ZNF589: variants seen among roughly 807,000 people sequenced by gnomAD.
ZNF589 encodes zinc finger protein 589.
ZNF589 carries 17 observed loss-of-function variants against 13.6 expected under a neutral mutation model. The ratio of observed to expected loss-of-function variants is 1.25; its 90% CI spans 0.86 to 1.88. ZNF589 has a LOEUF of 1.88. ZNF589 is among the 40% of genes most tolerant of loss of function. The probability of loss-of-function intolerance (pLI) is 0.00; values close to 1 mark genes in which losing one functional copy is unlikely to be tolerated. For synonymous variants in ZNF589, 148 were observed against 161.6 expected (o/e 0.92, Z 0.64); for missense variants, 407 against 434.0 (o/e 0.94, Z 0.55).
chr3:48,266,024 A>G (rs577292755), intron 3 of ZNF589, among the ~76,000 whole-genome samples: 43 of 152,330 alleles, frequency 2.8e-4, no homozygotes, highest in South Asian at 6.2e-4. Flanking sequence ...CTTTGTGTCC[A>G]CAGTCATAAA....
Position 48,268,136 on chromosome 3 carries a change from G to A in ZNF589, c.445G>A (p.Gly149Arg), listed in dbSNP as rs772274256. The A allele has an allele frequency of 1.9e-6, 3 of 1,614,132 alleles. No homozygotes were observed. The highest frequency in any genetic ancestry group is 1.6e-4 in the Middle Eastern group (1 of 6,062). Reference protein sequence around the residue: ...GAEAEDQRVEGGVRPLFWSTN... With the variant: ...GAEAEDQRVERGVRPLFWSTN... ...TGAAGCAGAAGATCAACGAGTGGAA[G>A]GAGGCGTCAGACCCTTGTTTTGGAG... Residue 149 changes from glycine (G) to arginine (R), a missense_variant, in exon 4 of 4, where the codon GGA becomes AGA. Coordinates refer to ENST00000354698, the MANE Select transcript of ZNF589 (RefSeq NM_016089.3).
At position 48,269,490 on chromosome 3, in the gene ZNF589, A is replaced by G. The variant is rs539797256; in HGVS notation, c.*704A>G. 50 of 397,990 alleles carry G rather than the reference A, an allele frequency of 1.3e-4. No homozygotes were observed. Among genetic ancestry groups the G allele is most frequent in the Middle Eastern group, 7.4e-4 (2 of 2,708 alleles). 24.7% of individuals were successfully genotyped at this position (397,990 alleles called of 1,614,324 possible). A position where few individuals can be genotyped will look rare whatever the true frequency, so the allele number is the denominator to read the frequency against. On this transcript the variant is annotated 3_prime_UTR_variant, in exon 4 of 4. Coordinates refer to ENST00000354698, the MANE Select transcript of ZNF589 (RefSeq NM_016089.3). ...GGATTTGGCCGGAAGATACTCCTCAACAGACACTGGAGGACACACACAGGA... is the reference window on the plus strand; with the variant it reads ...GGATTTGGCCGGAAGATACTCCTCAGCAGACACTGGAGGACACACACAGGA...
In ZNF589 at chr3:48,263,691, G is replaced by A. The variant is rs140820466; in HGVS notation, c.223+2752G>A. Among the ~76,000 whole-genome samples the A allele has an allele frequency of 2.5e-3, 387 of 152,256 alleles. 1 individual carries two copies. Among genetic ancestry groups the A allele is most frequent in the African/African-American group, 8.5e-3 (353 of 41,558 alleles). On this transcript the variant is annotated intron_variant, in intron 3 of 3. Transcript: ENST00000354698. ...GGAGAATCGCTTGAACCCCGGAGGC[G>A]GAGGTTGCAGTGAGCTGAAATTGCG...
At chr3:48,256,674 G>A in intron 2 of ZNF589, 1 of 1,360,122 alleles carries the variant, frequency 7.4e-7, no homozygotes, top group South Asian at 1.2e-5. Context: ...AACTGGCTAA[G>A]CAGCAAAACA....
chr3:48,245,241 A>G (rs534067804), intron 1 of ZNF589, among the ~76,000 whole-genome samples: 2 of 152,178 alleles, frequency 1.3e-5, no homozygotes, highest in Non-Finnish European at 2.9e-5. Flanking sequence ...CAGCCTCCCA[A>G]GTAGCTGGGG....
At position 48,269,826 on chromosome 3, in the gene ZNF589, G is replaced by A. The variant is rs1008283794; in HGVS notation, c.*1040G>A. On this transcript the variant is annotated 3_prime_UTR_variant, in exon 4 of 4. Coordinates refer to ENST00000354698, the MANE Select transcript of ZNF589 (RefSeq NM_016089.3). ...GTACGTGGACATCATTACTTGTCAC[G>A]TGTCAGAGGACACACTCGGGAGAAA... The A allele has an allele frequency of 1.1e-5, 4 of 359,896 alleles. No homozygotes were observed. The highest frequency in any genetic ancestry group is 6.4e-5 in the African/African-American group (3 of 46,726). 22.3% of individuals were successfully genotyped at this position (359,896 alleles called of 1,614,324 possible). A position where few individuals can be genotyped will look rare whatever the true frequency, so the allele number is the denominator to read the frequency against.
At chr3:48,249,672 A>G (rs1481460218) in intron 2 of ZNF589, among the ~76,000 whole-genome samples, 2 of 152,156 alleles carry the variant, frequency 1.3e-5, no homozygotes, top group African/African-American at 4.8e-5. Context: ...TATGATTGAC[A>G]TATAATGTTT....
intron 3 of ZNF589, among the ~76,000 whole-genome samples, chr3:48,266,536 C>G (rs1575296204): frequency 6.6e-6 from 1 of 152,172 alleles, no homozygotes; most frequent in South Asian, 2.1e-4. Context: ...GTGACTAAAG[C>G]CAAATAGGGC....
Position 48,253,964 on chromosome 3 carries a change from A to G in ZNF589, c.96+6287A>G, listed in dbSNP as rs761625837. On this transcript the variant is annotated intron_variant, in intron 2 of 3. Transcript: ENST00000354698. ...AAATTTGCTGGGATTGGTGGCATGTACCTGTATCCTAGCTACTTGGGAGGC... is the reference window on the plus strand; with the variant it reads ...AAATTTGCTGGGATTGGTGGCATGTGCCTGTATCCTAGCTACTTGGGAGGC... 7.0e-4 allele frequency among the ~76,000 whole-genome samples: 107 copies of G among 152,232 alleles called. No individual in the cohort carries two copies. In the Middle Eastern group the frequency reaches 0.01, roughly 15 times the overall value.
chr3:48,268,989 C>A lies in ZNF589; in HGVS notation c.*203C>A. 2 of 795,274 alleles carry A rather than the reference C, an allele frequency of 2.5e-6. No individual in the cohort carries two copies. Among genetic ancestry groups the A allele is most frequent in the Non-Finnish European group, 2.0e-6 (1 of 494,934 alleles). 49.3% of individuals were successfully genotyped at this position (795,274 alleles called of 1,614,324 possible). A position where few individuals can be genotyped will look rare whatever the true frequency, so the allele number is the denominator to read the frequency against. ...TTTAGCCAGAAGTCGTCGCTCAAAT[C>A]ACATCGGAGAACACACTCAGGGGAG... On this transcript the variant is annotated 3_prime_UTR_variant, in exon 4 of 4. Transcript: ENST00000354698.
chr3:48,250,734 A>G (rs1182325008), intron 2 of ZNF589, among the ~76,000 whole-genome samples: 1 of 152,016 alleles, frequency 6.6e-6, no homozygotes, highest in African/African-American at 2.4e-5. Flanking sequence ...GGCCTCCCGA[A>G]GTGCTGGGAT....
At chr3:48,266,687 G>C (rs2034022527) in intron 3 of ZNF589, among the ~76,000 whole-genome samples, 1 of 152,174 alleles carries the variant, frequency 6.6e-6, no homozygotes, top group African/African-American at 2.4e-5. Context: ...TGTTTCCCAT[G>C]ATTAGATTCA....
intron 2 of ZNF589, chr3:48,256,744 G>C (rs915656756): frequency 6.2e-7 from 1 of 1,603,448 alleles, no homozygotes; most frequent in African/African-American, 1.3e-5. Flanking sequence ...GGCCAGAGGG[G>C]TTAGGAGGAT....
At chr3:48,266,875 A>T (rs545010921) in intron 3 of ZNF589, among the ~76,000 whole-genome samples, 3 of 152,256 alleles carry the variant, frequency 2.0e-5, no homozygotes, top group Non-Finnish European at 1.5e-5. Flanking sequence ...CCATAATCAC[A>T]TAATGCCATA....
chr3:48,254,990 G>A (rs1021029236), intron 2 of ZNF589, among the ~76,000 whole-genome samples: 10 of 151,842 alleles, frequency 6.6e-5, no homozygotes, highest in Non-Finnish European at 1.5e-5. Flanking sequence ...CATTGCAATA[G>A]CTAGGACTTT....
Position 48,241,271 on chromosome 3 carries a change from C to A in ZNF589, c.43+57C>A, listed in dbSNP as rs984052560. The A allele has an allele frequency of 1.9e-6, 3 of 1,593,594 alleles. No individual in the cohort carries two copies. In the African/African-American group the frequency reaches 4.0e-5, roughly 21 times the overall value. On this transcript the variant is annotated intron_variant, in intron 1 of 3. Coordinates refer to ENST00000354698, the MANE Select transcript of ZNF589 (RefSeq NM_016089.3). ...TTCGGTGCTCCAGCCGCAGGCGCCG[C>A]GCAGGCGTCGGCCGTATCCACCAGG...
At chr3:48,259,440 A>G (rs1476519309) in intron 2 of ZNF589, among the ~76,000 whole-genome samples, 1 of 152,148 alleles carries the variant, frequency 6.6e-6, no homozygotes, top group Non-Finnish European at 1.5e-5. Context: ...CCCTACTGTC[A>G]TCTTTGATTT....
chr3:48,269,527 C>T lies in ZNF589; in HGVS notation c.*741C>T, dbSNP rs7643198. 6 of 362,320 alleles carry T rather than the reference C, an allele frequency of 1.7e-5. No homozygotes were observed. Among genetic ancestry groups the T allele is most frequent in the South Asian group, 4.9e-5 (2 of 40,806 alleles). 22.4% of individuals were successfully genotyped at this position (362,320 alleles called of 1,614,324 possible). A position where few individuals can be genotyped will look rare whatever the true frequency, so the allele number is the denominator to read the frequency against. On this transcript the variant is annotated 3_prime_UTR_variant, in exon 4 of 4. Transcript: ENST00000354698. ...GGACACACACAGGAGAGAAACCTTA[C>T]GCATGCATCGAGTGTGGGCGAAACT... is the stretch of plus-strand genomic sequence containing the variant.
At position 48,270,123 on chromosome 3, in the gene ZNF589, C is replaced by A. The variant is rs750506200; in HGVS notation, c.*1337C>A. On this transcript the variant is annotated 3_prime_UTR_variant, in exon 4 of 4. Coordinates refer to ENST00000354698, the MANE Select transcript of ZNF589 (RefSeq NM_016089.3). ...CTTCCATTAGCTTCCATGACACTCT[C>A]CTGCTTTATTTTTTTCTACATCTCT... The A allele has an allele frequency of 3.3e-5, 15 of 457,036 alleles. No individual in the cohort carries two copies. Among genetic ancestry groups the A allele is most frequent in the African/African-American group, 2.8e-4 (14 of 50,186 alleles). 28.3% of individuals were successfully genotyped at this position (457,036 alleles called of 1,614,324 possible).
Sources: gnomAD v4.1 joint callset for allele counts (sites outside exome capture counted in the v4.1 genomes callset) on GRCh38, gnomAD v4.1.1 for gene constraint, MANE v1.5 for transcripts, NCBI Gene and HGNC (gene_info 2026-07-23, HGNC 2026-07-21) for gene names.